The following WDR7 variants were observed in gnomAD, a reference collection of about 807,000 sequenced individuals.
WDR7 encodes WD repeat-containing protein 7.
A neutral mutation model predicts 169.4 loss-of-function variants in WDR7; 46 were observed. The observed-to-expected ratio is 0.27, with a 90% CI of 0.21 to 0.35. WDR7 has a LOEUF of 0.35. Among genes scored for constraint, WDR7 ranks in the 10% least tolerant of loss-of-function variants. The pLI, the probability that WDR7 is intolerant of heterozygous loss-of-function variation, is 1.00. For synonymous variants in WDR7, 612 were observed against 666.8 expected, an observed-to-expected ratio of 0.92 and a Z score of 1.27; for missense variants, 1,534 against 1,859.3, an observed-to-expected ratio of 0.83 and a Z score of 3.22.
At chr18:56,952,366 T>G (rs1163460128) in intron 25 of WDR7, among the ~76,000 whole-genome samples, 1 of 152,226 alleles carries the variant, frequency 6.6e-6, no homozygotes, top group Non-Finnish European at 1.5e-5. Context: ...ATTAAAATTT[T>G]TGCGTAGCAG....
chr18:56,814,522 C>T (rs957388719), intron 19 of WDR7, among the ~76,000 whole-genome samples: 2 of 151,964 alleles, frequency 1.3e-5, no homozygotes, highest in Non-Finnish European at 2.9e-5. Context: ...TTTTCTAGTA[C>T]ATCCCCTTCT....
At chr18:56,700,124 A>G (rs2025789761) in intron 12 of WDR7, among the ~76,000 whole-genome samples, 1 of 152,132 alleles carries the variant, frequency 6.6e-6, no homozygotes, top group South Asian at 2.1e-4. Flanking sequence ...TTGCATATTC[A>G]AAGATGACAA....
intron 21 of WDR7, among the ~76,000 whole-genome samples, chr18:56,904,074 AT>A (rs11372701): frequency 0.013 from 1,906 of 148,186 alleles, 52 homozygotes; most frequent in African/African-American, 0.045. Flanking sequence ...GCTCAAAATA[AT>A]TTTTTTTTTT....
At chr18:56,869,216 T>C (rs1191751173) in intron 20 of WDR7, among the ~76,000 whole-genome samples, 1 of 152,176 alleles carries the variant, frequency 6.6e-6, no homozygotes, top group African/African-American at 2.4e-5. Flanking sequence ...ATTTTGCATT[T>C]ATCTGATTTA....
At chr18:57,009,702 T>C in intron 26 of WDR7, 1 of 322,894 alleles carries the variant, frequency 3.1e-6, no homozygotes, top group East Asian at 1.7e-4. Flanking sequence ...AGAATTTTAT[T>C]TTATGTTGTA....
intron 14 of WDR7, among the ~76,000 whole-genome samples, chr18:56,744,653 A>G (rs1174457663): frequency 1.3e-5 from 2 of 152,150 alleles, no homozygotes; most frequent in Non-Finnish European, 2.9e-5. Context: ...TTCCCAAACC[A>G]TGCTGCACCT....
At position 56,972,808 on chromosome 18, in the gene WDR7, A is replaced by G. The variant is rs546470999; in HGVS notation, c.4164+10279A>G. Among the ~76,000 whole-genome samples, 11 of 152,092 alleles carry G rather than the reference A, an allele frequency of 7.2e-5. No individual in the cohort carries two copies. The East Asian group carries it at 1.9e-3, about 27-fold the overall frequency. ...CCGTGTGGAGGAGTATTTCTCTGTTATTTATCCCACCACTCACAAGTACTT... is the reference window on the plus strand; with the variant it reads ...CCGTGTGGAGGAGTATTTCTCTGTTGTTTATCCCACCACTCACAAGTACTT... On this transcript the variant is annotated intron_variant, in intron 26 of 27. Coordinates refer to ENST00000254442, the MANE Select transcript of WDR7 (RefSeq NM_015285.3).
intron 19 of WDR7, among the ~76,000 whole-genome samples, chr18:56,783,863 A>G (rs1222572328): frequency 5.3e-5 from 8 of 152,212 alleles, no homozygotes; most frequent in Non-Finnish European, 4.4e-5. Flanking sequence ...GAAGAAGAGA[A>G]TAAGTTAGCT....
At chr18:56,964,209 C>CAAAAAAA (rs370790953) in intron 26 of WDR7, among the ~76,000 whole-genome samples, 1 of 68,738 alleles carries the variant, frequency 1.5e-5, no homozygotes, top group South Asian at 5.4e-4. Context: ...TGGTAACATG[C>CAAAAAAA]AAAAAAAAAA....
At chr18:56,664,167 A>T (rs1030478096) in intron 1 of WDR7, among the ~76,000 whole-genome samples, 8 of 152,256 alleles carry the variant, frequency 5.3e-5, no homozygotes, top group African/African-American at 1.9e-4. Context: ...TCTCTGCCAT[A>T]TTGGAGAGCT....
downstream of WDR7, chr18:57,031,890 A>T (rs2048443463): frequency 6.6e-6 from 1 of 152,234 alleles, no homozygotes; most frequent in African/African-American, 2.4e-5. Context: ...TATTTTTAGG[A>T]GACAGGAGTC....
intron 25 of WDR7, among the ~76,000 whole-genome samples, chr18:56,956,069 A>G (rs1209954629): frequency 6.6e-6 from 1 of 152,200 alleles, no homozygotes; most frequent in African/African-American, 2.4e-5. Context: ...TGAACTACTC[A>G]GCAGGAAATA....
At chr18:56,675,103 T>G (rs1387597150) in intron 2 of WDR7, among the ~76,000 whole-genome samples, 2 of 152,236 alleles carry the variant, frequency 1.3e-5, no homozygotes, top group Non-Finnish European at 2.9e-5. Context: ...ATATACTCAC[T>G]GTCTTAATTA....
intron 25 of WDR7, among the ~76,000 whole-genome samples, chr18:56,944,623 T>A (rs148610740): frequency 1.4e-3 from 218 of 152,288 alleles, no homozygotes; most frequent in African/African-American, 5.0e-3. Context: ...TTTAAAAATT[T>A]TGTTCATATA....
chr18:57,022,183 C>T (rs953750239), intron 27 of WDR7, among the ~76,000 whole-genome samples: 6 of 152,252 alleles, frequency 3.9e-5, no homozygotes, highest in Admixed American at 3.9e-4. Flanking sequence ...AGAAACTGGG[C>T]TTTTGCAGCA....
intron 16 of WDR7, among the ~76,000 whole-genome samples, chr18:56,769,874 T>A (rs1283732171): frequency 6.6e-6 from 1 of 152,208 alleles, no homozygotes; most frequent in African/African-American, 2.4e-5. Context: ...TATTAAGGAA[T>A]GTATCTGAGA....
At chr18:56,763,498 A>C (rs898584906) in intron 16 of WDR7, among the ~76,000 whole-genome samples, 4 of 152,162 alleles carry the variant, frequency 2.6e-5, no homozygotes, top group Admixed American at 2.0e-4. Flanking sequence ...AATTTGCTAA[A>C]ATTTTGTTAA....
chr18:56,974,326 CT>C (rs1397408242), intron 26 of WDR7, among the ~76,000 whole-genome samples: 1 of 148,794 alleles, frequency 6.7e-6, no homozygotes, highest in Non-Finnish European at 1.5e-5. Context: ...TTTTCCTTTC[CT>C]TTTCCTTTTC....
intron 13 of WDR7, among the ~76,000 whole-genome samples, chr18:56,728,198 G>A (rs562506814): frequency 3.2e-4 from 48 of 152,272 alleles, no homozygotes; most frequent in African/African-American, 1.1e-3. Flanking sequence ...GTCACTTAAG[G>A]TGTTTTTTGG....
Sources: gnomAD v4.1 joint callset for allele counts (sites outside exome capture counted in the v4.1 genomes callset) on GRCh38, gnomAD v4.1.1 for gene constraint, MANE v1.5 for transcripts, NCBI Gene and HGNC (gene_info 2026-07-23, HGNC 2026-07-21) for gene names.